ITCH: variants seen among roughly 807,000 people sequenced by gnomAD.
ITCH encodes E3 ubiquitin-protein ligase Itchy homolog.
ITCH carries 28 observed loss-of-function variants against 126.8 expected under a neutral mutation model. That is an observed-to-expected ratio of 0.22 (90% confidence interval 0.16 to 0.30). The LOEUF is 0.30. Among genes scored for constraint, ITCH ranks in the 10% least tolerant of loss-of-function variants. The pLI is 1.00. For missense variants in ITCH, 631 were observed against 1,032.4 expected (o/e 0.61, Z 5.33); for synonymous variants, 342 against 340.0 (o/e 1.01, Z -0.06).
At chr20:34,435,521 G>A (rs1388641628) in intron 7 of ITCH, among the ~76,000 whole-genome samples, 1 of 151,968 alleles carries the variant, frequency 6.6e-6, no homozygotes, top group African/African-American at 2.4e-5. Context: ...TTTAATAATT[G>A]GTAGTGAAAA....
chr20:34,497,254 C>T (rs901341187), intron 23 of ITCH, among the ~76,000 whole-genome samples: 26 of 152,142 alleles, frequency 1.7e-4, no homozygotes, highest in Admixed American at 1.3e-4. Flanking sequence ...CTCAGCCTCC[C>T]AAAGTGCTGG....
At chr20:34,371,057 A>T (rs550872907) in intron 2 of ITCH, among the ~76,000 whole-genome samples, 1 of 150,932 alleles carries the variant, frequency 6.6e-6, no homozygotes, top group Admixed American at 6.7e-5. Context: ...AGTCCCAGCT[A>T]CTCAGGAGGC....
At chr20:34,409,671 T>C (rs182536880) in intron 4 of ITCH, among the ~76,000 whole-genome samples, 35 of 152,326 alleles carry the variant, frequency 2.3e-4, no homozygotes, top group Non-Finnish European at 4.1e-4. Flanking sequence ...CTGTATTGAT[T>C]CTAATGTTGC....
At chr20:34,446,647 C>G (rs1256321070) in intron 11 of ITCH, among the ~76,000 whole-genome samples, 1 of 151,576 alleles carries the variant, frequency 6.6e-6, no homozygotes, top group Non-Finnish European at 1.5e-5. Context: ...TTTTTCTATG[C>G]TGTTTTACAT....
intron 2 of ITCH, among the ~76,000 whole-genome samples, chr20:34,382,481 A>C (rs1260283748): frequency 6.6e-6 from 1 of 152,026 alleles, no homozygotes; most frequent in Non-Finnish European, 1.5e-5. Context: ...ATCTCAGCAT[A>C]CTGCAACCTC....
intron 10 of ITCH, among the ~76,000 whole-genome samples, chr20:34,443,044 TTAAG>T (rs1280292355): frequency 1.3e-5 from 2 of 151,998 alleles, no homozygotes; most frequent in Non-Finnish European, 2.9e-5. Context: ...ATACTGTAGT[TTAAG>T]TATTAGTTTC....
At chr20:34,478,466 G>A (rs1988431378) in intron 17 of ITCH, among the ~76,000 whole-genome samples, 1 of 152,170 alleles carries the variant, frequency 6.6e-6, no homozygotes, top group Non-Finnish European at 1.5e-5. Flanking sequence ...CTTATTCCAT[G>A]ATAATATATC....
chr20:34,405,805 A>G (rs2039039480), intron 3 of ITCH, among the ~76,000 whole-genome samples: 1 of 151,596 alleles, frequency 6.6e-6, no homozygotes, highest in Admixed American at 6.6e-5. Context: ...TTATTTTTTA[A>G]TAGAGATGAG....
chr20:34,411,764 G>C (rs529816893), intron 4 of ITCH, among the ~76,000 whole-genome samples: 1 of 152,228 alleles, frequency 6.6e-6, no homozygotes, highest in East Asian at 1.9e-4. Context: ...ATTATATAGT[G>C]CTCCTAGCTT....
chr20:34,448,883 T>A (rs1343732789), intron 11 of ITCH, among the ~76,000 whole-genome samples: 2 of 152,188 alleles, frequency 1.3e-5, no homozygotes, highest in African/African-American at 4.8e-5. Context: ...TTCCATACAG[T>A]TCTAGGCTCA....
At chr20:34,441,188 C>T (rs1415551596) in intron 9 of ITCH, among the ~76,000 whole-genome samples, 1 of 151,960 alleles carries the variant, frequency 6.6e-6, no homozygotes, top group Non-Finnish European at 1.5e-5. Context: ...AGGAGAATTG[C>T]TTGAACCTGG....
chr20:34,422,490 A>G (rs1486328319), intron 6 of ITCH, among the ~76,000 whole-genome samples: 1 of 152,164 alleles, frequency 6.6e-6, no homozygotes, highest in East Asian at 1.9e-4. Context: ...TTCATAAGCC[A>G]TTTTAGGGGA....
At chr20:34,388,530 A>G (rs943887937) in intron 2 of ITCH, among the ~76,000 whole-genome samples, 1 of 152,104 alleles carries the variant, frequency 6.6e-6, no homozygotes, top group Non-Finnish European at 1.5e-5. Context: ...GACAACAGGC[A>G]CATACCACCA....
chr20:34,417,469 G>C (rs542436883), intron 6 of ITCH, among the ~76,000 whole-genome samples: 1 of 144,392 alleles, frequency 6.9e-6, no homozygotes, highest in Non-Finnish European at 1.5e-5. Flanking sequence ...GCACGATCTC[G>C]GCTCACTACA....
At chr20:34,424,341 T>C (rs1981200816) in intron 6 of ITCH, 139 bp from the exon 7 acceptor site, 6 of 723,534 alleles carry the variant, frequency 8.3e-6, no homozygotes, top group African/African-American at 3.6e-5. Context: ...TTTAAAGTCA[T>C]GTTGGAATTT....
At chr20:34,409,112 T>C (rs1444590011) in intron 4 of ITCH, among the ~76,000 whole-genome samples, 1 of 150,538 alleles carries the variant, frequency 6.6e-6, no homozygotes, top group Non-Finnish European at 1.5e-5. Context: ...TTATTAACTT[T>C]GGGTTGAATT....
chr20:34,449,604 GT>G (rs978753928), intron 12 of ITCH, 124 bp downstream of exon 12: 56 of 682,512 alleles, frequency 8.2e-5, no homozygotes, highest in South Asian at 1.4e-4. Flanking sequence ...TGTCTGGGAA[GT>G]TTTTTTTTAA....
intron 2 of ITCH, among the ~76,000 whole-genome samples, chr20:34,392,109 G>A (rs1225437733): frequency 2.6e-5 from 4 of 152,114 alleles, no homozygotes; most frequent in African/African-American, 9.7e-5. Context: ...TATTGAGGAG[G>A]AAGTAATAAC....
chr20:34,434,192 A>G (rs558581471), intron 7 of ITCH, among the ~76,000 whole-genome samples: 2 of 152,032 alleles, frequency 1.3e-5, no homozygotes, highest in Non-Finnish European at 2.9e-5. Context: ...CGGGAGGATC[A>G]TATGAGCCTG....
Sources: gnomAD v4.1 joint callset for allele counts (sites outside exome capture counted in the v4.1 genomes callset) on GRCh38, gnomAD v4.1.1 for gene constraint, MANE v1.5 for transcripts, NCBI Gene and HGNC (gene_info 2026-07-23, HGNC 2026-07-21) for gene names.